The following ADAMTS6 variants were observed in gnomAD, a reference collection of about 807,000 sequenced individuals.
The protein encoded by ADAMTS6 is ADAM metallopeptidase with thrombospondin type 1 motif 6.
Under a neutral mutation model 144.3 loss-of-function variants are expected in ADAMTS6, and 23 were observed. The observed-to-expected ratio is 0.16, with a 90% CI of 0.11 to 0.23. The LOEUF (loss-of-function observed/expected upper bound fraction) is 0.23. Ranked by LOEUF, ADAMTS6 falls within the 10% of genes least tolerant of loss-of-function variation. The pLI, the probability that ADAMTS6 is intolerant of heterozygous loss-of-function variation, is 1.00. For synonymous variants in ADAMTS6, 444 were observed against 457.5 expected (o/e 0.97, Z 0.38); for missense variants, 999 against 1,379.6 (o/e 0.72, Z 4.37).
chr5:65,371,790 G>A (rs917702351), intron 7 of ADAMTS6, among the ~76,000 whole-genome samples: 3 of 152,050 alleles, frequency 2.0e-5, no homozygotes, highest in East Asian at 1.9e-4. Context: ...GATACTCCTC[G>A]AGAAGAGCAA....
chr5:65,445,360 T>A (rs144205723), intron 7 of ADAMTS6, among the ~76,000 whole-genome samples: 66 of 152,270 alleles, frequency 4.3e-4, no homozygotes, highest in African/African-American at 1.5e-3. Flanking sequence ...TTTTTTAAGA[T>A]GGAGTCTCAC....
At chr5:65,413,354 C>T (rs1410916448) in intron 7 of ADAMTS6, among the ~76,000 whole-genome samples, 1 of 152,114 alleles carries the variant, frequency 6.6e-6, no homozygotes, top group Non-Finnish European at 1.5e-5. Context: ...TTTTCCCAGG[C>T]AATTTTCTTC....
intron 7 of ADAMTS6, among the ~76,000 whole-genome samples, chr5:65,368,053 G>C (rs925311417): frequency 6.6e-6 from 1 of 152,012 alleles, no homozygotes; most frequent in Non-Finnish European, 1.5e-5. Flanking sequence ...ACAAAACTCA[G>C]AAGATTTACA....
chr5:65,296,558 T>A (rs2112783570), intron 10 of ADAMTS6, among the ~76,000 whole-genome samples: 1 of 152,318 alleles, frequency 6.6e-6, no homozygotes, highest in African/African-American at 2.4e-5. Context: ...ATTCTACATT[T>A]TTTTAAAAAG....
intron 11 of ADAMTS6, among the ~76,000 whole-genome samples, chr5:65,288,588 G>T (rs1369872479): frequency 6.6e-6 from 1 of 152,092 alleles, no homozygotes; most frequent in African/African-American, 2.4e-5. Context: ...AAAGTGGTGG[G>T]ATTACAGGCG....
At chr5:65,294,187 T>C (rs151241844) in intron 10 of ADAMTS6, among the ~76,000 whole-genome samples, 127 of 152,310 alleles carry the variant, frequency 8.3e-4, no homozygotes, top group African/African-American at 3.0e-3. Flanking sequence ...TTGATTTAAA[T>C]ATTTGAGGGA....
At chr5:65,457,810 G>A (rs1172549546) in intron 4 of ADAMTS6, among the ~76,000 whole-genome samples, 1 of 133,628 alleles carries the variant, frequency 7.5e-6, no homozygotes, top group East Asian at 2.3e-4. Flanking sequence ...CACTGCAACC[G>A]CTGCATTCAG....
chr5:65,273,193 A>G (rs1329261122), intron 12 of ADAMTS6, 147 bp downstream of exon 12: 31 of 674,188 alleles, frequency 4.6e-5, no homozygotes. Flanking sequence ...CTACCAAGGT[A>G]TGACAATTAA....
chr5:65,363,595 AGTGTT>A (rs1191782418), intron 7 of ADAMTS6, among the ~76,000 whole-genome samples: 1 of 152,154 alleles, frequency 6.6e-6, no homozygotes, highest in Non-Finnish European at 1.5e-5. Flanking sequence ...TTTGGCAACG[AGTGTT>A]TCAACATCTT....
chr5:65,187,262 G>A (rs1157863554), intron 22 of ADAMTS6, among the ~76,000 whole-genome samples: 2 of 152,124 alleles, frequency 1.3e-5, no homozygotes, highest in Non-Finnish European at 2.9e-5. Context: ...TGGATACTGA[G>A]GAGTCAAAAA....
At chr5:65,448,058 TTA>T (rs1006863651) in intron 7 of ADAMTS6, among the ~76,000 whole-genome samples, 5 of 150,330 alleles carry the variant, frequency 3.3e-5, no homozygotes, top group African/African-American at 9.7e-5. Context: ...ATTCATTATA[TTA>T]TATATTACTT....
chr5:65,175,123 C>T (rs1340145063), intron 22 of ADAMTS6, among the ~76,000 whole-genome samples: 4 of 151,992 alleles, frequency 2.6e-5, no homozygotes, highest in African/African-American at 9.7e-5. Context: ...ACCCCCCTCA[C>T]CAGTGGTTGA....
chr5:65,359,167 C>G (rs968219372), intron 7 of ADAMTS6, among the ~76,000 whole-genome samples: 3 of 151,996 alleles, frequency 2.0e-5, no homozygotes, highest in African/African-American at 7.2e-5. Context: ...GCAACTCAAA[C>G]AATTCAATAG....
intron 11 of ADAMTS6, among the ~76,000 whole-genome samples, chr5:65,281,145 A>C (rs967489266): frequency 6.6e-6 from 1 of 152,174 alleles, no homozygotes; most frequent in African/African-American, 2.4e-5. Flanking sequence ...GAGAAACTTT[A>C]GGTTCAGAAT....
intron 7 of ADAMTS6, among the ~76,000 whole-genome samples, chr5:65,423,495 A>G (rs187229714): frequency 4.6e-5 from 7 of 152,328 alleles, no homozygotes; most frequent in Non-Finnish European, 1.0e-4. Context: ...CTTACTTAAT[A>G]TTAAAAACAA....
chr5:65,371,464 C>T (rs561446484), intron 7 of ADAMTS6, among the ~76,000 whole-genome samples: 53 of 151,964 alleles, frequency 3.5e-4, no homozygotes, highest in East Asian at 3.3e-3. Context: ...TCGAGAACTA[C>T]GTGAAGAATG....
intron 7 of ADAMTS6, among the ~76,000 whole-genome samples, chr5:65,335,526 G>A (rs752024852): frequency 2.0e-5 from 3 of 152,074 alleles, no homozygotes; most frequent in Non-Finnish European, 2.9e-5. Flanking sequence ...GACTTTTCAT[G>A]GTAATGCAGA....
At chr5:65,449,922 GT>G (rs1758604248) in intron 7 of ADAMTS6, among the ~76,000 whole-genome samples, 1 of 152,130 alleles carries the variant, frequency 6.6e-6, no homozygotes, top group South Asian at 2.1e-4. Context: ...TAATGCAAAT[GT>G]GAAGTATTGG....
At chr5:65,434,406 A>G (rs1757225682) in intron 7 of ADAMTS6, among the ~76,000 whole-genome samples, 1 of 152,234 alleles carries the variant, frequency 6.6e-6, no homozygotes, top group Non-Finnish European at 1.5e-5. Context: ...AAAACTGTGA[A>G]TTATACAATT....
Sources: allele counts gnomAD v4.1 joint callset (sites outside exome capture counted in the v4.1 genomes callset), GRCh38; gene constraint gnomAD v4.1.1; transcripts MANE v1.5; gene names NCBI Gene and HGNC (gene_info 2026-07-23, HGNC 2026-07-21).